Variants in MED13 observed in about 807,000 individuals in gnomAD.
The protein encoded by MED13 is mediator of RNA polymerase II transcription subunit 13.
Under a neutral mutation model 225.2 loss-of-function variants are expected in MED13, and 23 were observed. The observed-to-expected ratio is 0.10, with a 90% CI of 0.07 to 0.14. The LOEUF is 0.14. MED13 is among the 10% of genes least tolerant of loss of function. The pLI, the probability that MED13 is intolerant of heterozygous loss-of-function variation, is 1.00. For synonymous variants in MED13, 942 were observed against 889.2 expected, an observed-to-expected ratio of 1.06 and a Z score of -1.06; for missense variants, 2,197 against 2,594.5, an observed-to-expected ratio of 0.85 and a Z score of 3.33.
chr17:62,011,347 T>A, intron 8 of MED13, 114 bp from the exon 9 acceptor site: 1 of 877,186 alleles, frequency 1.1e-6, no homozygotes, highest in African/African-American at 1.7e-5. Flanking sequence ...CATGTAATAC[T>A]AAAAGTAAAA....
chr17:61,962,565 T>C (rs764338589), intron 21 of MED13, among the ~76,000 whole-genome samples, 187 bp downstream of exon 21: 1 of 152,184 alleles, frequency 6.6e-6, no homozygotes, highest in African/African-American at 2.4e-5. Flanking sequence ...ATTATTACTG[T>C]CATATGACTA....
intron 5 of MED13, among the ~76,000 whole-genome samples, chr17:62,032,904 C>T (rs1354459539): frequency 6.6e-6 from 1 of 152,192 alleles, no homozygotes; most frequent in Non-Finnish European, 1.5e-5. Context: ...AATCCCAGCA[C>T]TCTGGGAGGC....
chr17:61,956,656 C>G (rs1414996491), intron 23 of MED13, among the ~76,000 whole-genome samples, 175 bp from the exon 24 acceptor site: 1 of 152,100 alleles, frequency 6.6e-6, no homozygotes, highest in Non-Finnish European at 1.5e-5. Flanking sequence ...TCTCCTGCCT[C>G]AGCCTCATGA....
intron 16 of MED13, among the ~76,000 whole-genome samples, chr17:61,974,950 A>G (rs1603395234): frequency 6.6e-6 from 1 of 152,220 alleles, no homozygotes; most frequent in African/African-American, 2.4e-5. Context: ...TTTGTGCTTC[A>G]AAGAATACCA....
At chr17:62,062,590 CACACACACACCACACA>C (rs2081047629) in intron 2 of MED13, among the ~76,000 whole-genome samples, 1 of 78,260 alleles carries the variant, frequency 1.3e-5, no homozygotes, top group African/African-American at 7.3e-5. Flanking sequence ...CACACACACA[CACACACACACCACACA>C]CACACACACA....
chr17:62,063,335 C>A, intron 1 of MED13, 34 bp from the exon 2 acceptor site: 1 of 1,408,742 alleles, frequency 7.1e-7, no homozygotes, highest in East Asian at 2.3e-5. Flanking sequence ...TTTATTACTG[C>A]ATATTCACTC....
intron 16 of MED13, among the ~76,000 whole-genome samples, chr17:61,974,784 GATCAGAGATCTAAAT>G (rs981329181): frequency 6.6e-6 from 1 of 151,924 alleles, no homozygotes; most frequent in Non-Finnish European, 1.5e-5. Flanking sequence ...ATTCAGAATG[GATCAGAGATCTAAAT>G]ATAAGAGCTA....
In MED13 at chr17:61,944,755, G is replaced by C. The variant is rs2079840066; in HGVS notation, c.*1713C>G. On this transcript the variant is annotated 3_prime_UTR_variant, in exon 30 of 30. Transcript: ENST00000397786. ...GATTTTGTCCTTGTAGATAATTAGTGAACGTACAAATAGAAATTTTGCTAG... is the reference window on the plus strand; with the variant it reads ...GATTTTGTCCTTGTAGATAATTAGTCAACGTACAAATAGAAATTTTGCTAG... The C allele has an allele frequency of 6.6e-6, 1 of 152,558 alleles. No homozygotes were observed. The allele number at this position is 152,558 out of a possible 1,614,324, so 9.5% of individuals were successfully genotyped here.
intron 2 of MED13, among the ~76,000 whole-genome samples, chr17:62,056,077 A>G (rs1306395634): frequency 2.0e-5 from 3 of 152,318 alleles, no homozygotes; most frequent in Non-Finnish European, 4.4e-5. Context: ...CCATTACACT[A>G]AAGTAATATA....
chr17:62,028,807 T>G (rs2080726769), intron 8 of MED13, among the ~76,000 whole-genome samples: 1 of 151,620 alleles, frequency 6.6e-6, no homozygotes, highest in Non-Finnish European at 1.5e-5. Context: ...ATCACGCCAC[T>G]GCACTCCAGA....
intron 9 of MED13, among the ~76,000 whole-genome samples, chr17:62,001,408 A>G (rs558729694): frequency 1.3e-5 from 2 of 152,156 alleles, no homozygotes; most frequent in Non-Finnish European, 1.5e-5. Context: ...TCACACAGAC[A>G]TATCTTTTCA....
chr17:62,010,657 G>T lies in MED13; in HGVS notation c.1860C>A (p.Phe620Leu). Residue 620 changes from phenylalanine to leucine, a missense_variant, in exon 9 of 30, where the codon TTC becomes TTA. Transcript: ENST00000397786. ...AAAACTCTACATCTTTTTTCTTTGGGAACTTGTAATACTTCCAGGCTATAT... is the reference window on the plus strand; with the variant it reads ...AAAACTCTACATCTTTTTTCTTTGGTAACTTGTAATACTTCCAGGCTATAT... ...EANIAWKYYK[F>L]PKKKDVEFLP... 1 of 1,498,256 alleles carries T rather than the reference G, an allele frequency of 6.7e-7. No individual in the cohort carries two copies. Among genetic ancestry groups the T allele is most frequent in the South Asian group, 1.4e-5 (1 of 70,686 alleles). The allele number at this position is 1,498,256 out of a possible 1,614,324, so 92.8% of individuals were successfully genotyped here. A position where few individuals can be genotyped will look rare whatever the true frequency, so the allele number is the denominator to read the frequency against.
At position 61,983,085 on chromosome 17, in the gene MED13, C is replaced by T; in HGVS notation, c.2918G>A (p.Gly973Asp). 6.2e-7 allele frequency: 1 copy of T among 1,610,946 alleles called. No individual in the cohort carries two copies. The highest frequency in any genetic ancestry group is 8.5e-7 in the Non-Finnish European group (1 of 1,178,356). The part of the protein sequence containing the change: ...GDGSNMDQEY[G>D]TAYTPQTHTS... ...ATGAGTTTGAGGTGTATAAGCAGTG[C>T]CATATTCTTGATCCATATTACTTCC... is the stretch of plus-strand genomic sequence containing the variant. Residue 973 changes from glycine (G) to aspartate (D), a missense_variant, in exon 16 of 30, where the codon GGC (glycine) becomes GAC (aspartate). This residue lies in a region of MED13 where 160 missense variants were observed against 184.8 expected (regional missense o/e 0.87). Coordinates refer to ENST00000397786, the MANE Select transcript of MED13 (RefSeq NM_005121.3).
chr17:62,043,959 G>A (rs533965756), intron 3 of MED13, among the ~76,000 whole-genome samples: 1 of 152,098 alleles, frequency 6.6e-6, no homozygotes, highest in Admixed American at 6.6e-5. Context: ...TAGATGACAG[G>A]AAGAGAGGAA....
intron 9 of MED13, among the ~76,000 whole-genome samples, chr17:62,008,471 T>G (rs910576112): frequency 6.6e-6 from 1 of 152,110 alleles, no homozygotes; most frequent in East Asian, 1.9e-4. Context: ...AGATCGCGTT[T>G]TTTTAAATGA....
intron 22 of MED13, 24 bp downstream of exon 22, chr17:61,961,564 C>CG: frequency 6.9e-7 from 1 of 1,441,278 alleles, no homozygotes; most frequent in Non-Finnish European, 9.6e-7. Context: ...CATTGAACTT[C>CG]GGTCATGAAA....
At chr17:62,015,934 ATATATATATATATATATATATTTTTTTT>A (rs1567979659) in intron 8 of MED13, among the ~76,000 whole-genome samples, 40 of 8,838 alleles carry the variant, frequency 4.5e-3, no homozygotes, top group African/African-American at 0.01. Context: ...ATATATATAT[ATATATATATATATATATATATTTTTTTT>A]TTTTTTTTTT....
chr17:61,956,189 T>C, intron 24 of MED13, 150 bp downstream of exon 24: 1 of 748,828 alleles, frequency 1.3e-6, no homozygotes. Context: ...TTTTTAAAAT[T>C]TGAATTAAGC....
chr17:61,963,882 G>C (rs1452611187), intron 20 of MED13, among the ~76,000 whole-genome samples: 1 of 152,210 alleles, frequency 6.6e-6, no homozygotes. Flanking sequence ...AAAGGAATGA[G>C]AGCTGTCATA....
Sources: allele counts gnomAD v4.1 joint callset (sites outside exome capture counted in the v4.1 genomes callset), GRCh38; gene constraint gnomAD v4.1.1; regional missense constraint gnomAD v4.1.1; transcripts MANE v1.5; gene names NCBI Gene and HGNC (gene_info 2026-07-23, HGNC 2026-07-21).